The following PRKAG2 variants were observed in gnomAD, a reference collection of about 807,000 sequenced individuals.
PRKAG2 encodes the protein protein kinase AMP-activated non-catalytic subunit gamma 2, also known as 5'-AMP-activated protein kinase subunit gamma-2.
A neutral mutation model predicts 69.6 loss-of-function variants in PRKAG2; 26 were observed. That is an observed-to-expected ratio of 0.37 (90% CI 0.27 to 0.52). PRKAG2 has a LOEUF of 0.52. Ranked by LOEUF, PRKAG2 falls within the 20% of genes least tolerant of loss-of-function variation. PRKAG2 has a pLI of 0.90. For missense variants in PRKAG2, 557 were observed against 740.0 expected (o/e 0.75, Z 2.87); for synonymous variants, 293 against 285.0 (o/e 1.03, Z -0.28).
chr7:151,812,819 T>C (rs888068445), intron 1 of PRKAG2, among the ~76,000 whole-genome samples: 1 of 151,254 alleles, frequency 6.6e-6, no homozygotes. Context: ...TTTGTGACTT[T>C]AGGCAAAGAA....
rs147071389 is a variant in PRKAG2, at chr7:151,649,213, C to T, written c.685-17075G>A. ...TGATCTTGGCTCACTGCAACCTCCA[C>T]CTCCCAGGTTCAAACGATTCTCCTG... On this transcript the variant is annotated intron_variant, in intron 4 of 15. Transcript: ENST00000287878. Among the ~76,000 whole-genome samples the T allele has an allele frequency of 2.0e-3, 310 of 152,204 alleles. 2 individuals are homozygous for T. Among genetic ancestry groups the T allele is most frequent in the African/African-American group, 7.0e-3 (292 of 41,500 alleles).
chr7:151,873,817 C>T (rs371599211), intron 1 of PRKAG2, among the ~76,000 whole-genome samples: 1 of 152,158 alleles, frequency 6.6e-6, no homozygotes, highest in Admixed American at 6.5e-5. Context: ...CACCACCCCA[C>T]GGGCACGCCC....
chr7:151,835,900 G>T lies in PRKAG2; in HGVS notation c.114+40607C>A, dbSNP rs758790436. Among the ~76,000 whole-genome samples the T allele has an allele frequency of 6.6e-6, 1 of 152,176 alleles. No individual in the cohort carries two copies. Among genetic ancestry groups the T allele is most frequent in the Non-Finnish European group, 1.5e-5 (1 of 68,036 alleles). On this transcript the variant is annotated intron_variant, in intron 1 of 15. Coordinates refer to ENST00000287878, the MANE Select transcript of PRKAG2 (RefSeq NM_016203.4). The surrounding 1 kb of genome is among the most constrained non-coding windows in gnomAD (Gnocchi z 4.1). Reference sequence around the variant, plus strand: ...GGGCAGCCTTTCCGTATTCAAGAGTGGGGTGCAGCTCAGGGAGGCATCGGA... The same window carrying T: ...GGGCAGCCTTTCCGTATTCAAGAGTTGGGTGCAGCTCAGGGAGGCATCGGA...
chr7:151,574,231 T>C (rs376888854), intron 8 of PRKAG2, among the ~76,000 whole-genome samples: 17 of 152,308 alleles, frequency 1.1e-4, no homozygotes, highest in African/African-American at 4.1e-4. Flanking sequence ...TGCAATCCTG[T>C]CCTTCCCCCC....
intron 3 of PRKAG2, among the ~76,000 whole-genome samples, chr7:151,779,849 G>A (rs760489269): frequency 2.0e-5 from 3 of 152,132 alleles, no homozygotes; most frequent in South Asian, 2.1e-4. Context: ...ATCAGGACGG[G>A]CCTGATTTCC....
intron 3 of PRKAG2, among the ~76,000 whole-genome samples, chr7:151,715,325 A>G (rs1219918525): frequency 2.7e-5 from 2 of 74,254 alleles, no homozygotes; most frequent in Non-Finnish European, 5.6e-5. Context: ...CTAAAAGCAA[A>G]AAAAAAAAAA....
chr7:151,576,237 T>C, intron 7 of PRKAG2, 134 bp downstream of exon 7: 1 of 945,114 alleles, frequency 1.1e-6, no homozygotes, highest in Non-Finnish European at 1.7e-6. Flanking sequence ...CACTGCACCC[T>C]GCCAGCAAGA....
intron 4 of PRKAG2, among the ~76,000 whole-genome samples, chr7:151,643,445 GT>G (rs2151375461): frequency 6.6e-6 from 1 of 152,298 alleles, no homozygotes; most frequent in African/African-American, 2.4e-5. Flanking sequence ...ACTGTTAACT[GT>G]TTTTCAGCCC....
chr7:151,589,771 TA>T (rs967580022), intron 6 of PRKAG2, among the ~76,000 whole-genome samples: 3 of 152,088 alleles, frequency 2.0e-5, no homozygotes, highest in African/African-American at 7.2e-5. Flanking sequence ...CCATCTCTAC[TA>T]AAAATACAAA....
Position 151,583,505 on chromosome 7 carries a change from C to A in PRKAG2, c.865-7053G>T, listed in dbSNP as rs755598442. On this transcript the variant is annotated intron_variant, in intron 6 of 15. Transcript: ENST00000287878. The surrounding 1 kb of genome is among the most constrained non-coding windows in gnomAD (Gnocchi z 4.1). ...GCCGACCTTCTTTGCAATAACGAGG[C>A]CTTCTAAAACTTGGCTTTCTTAAGA... is the stretch of plus-strand genomic sequence containing the variant. Among the ~76,000 whole-genome samples the A allele has an allele frequency of 1.3e-5, 2 of 152,138 alleles. No homozygotes were observed. The highest frequency in any genetic ancestry group is 1.9e-4 in the East Asian group (1 of 5,190).
intron 3 of PRKAG2, among the ~76,000 whole-genome samples, chr7:151,697,904 A>G (rs1383097697): frequency 6.6e-6 from 1 of 152,196 alleles, no homozygotes; most frequent in Non-Finnish European, 1.5e-5. Context: ...GTGTGCAGGT[A>G]CAGAGGACTC....
chr7:151,861,912 A>T (rs9640300), intron 1 of PRKAG2, among the ~76,000 whole-genome samples: 1 of 151,080 alleles, frequency 6.6e-6, no homozygotes, highest in South Asian at 2.1e-4. Context: ...CCACTCTTCC[A>T]TTGGCAAGAT....
chr7:151,801,158 A>G (rs1403034308), intron 1 of PRKAG2, among the ~76,000 whole-genome samples: 3 of 152,204 alleles, frequency 2.0e-5, no homozygotes, highest in Non-Finnish European at 2.9e-5. Flanking sequence ...TCCCCAGGAA[A>G]TGGGAACTGG....
chr7:151,829,664 A>ATTC (rs1395171492), intron 1 of PRKAG2, among the ~76,000 whole-genome samples: 1 of 152,062 alleles, frequency 6.6e-6, no homozygotes, highest in Non-Finnish European at 1.5e-5. Context: ...AACACGGTAT[A>ATTC]TTCATACAAT....
At chr7:151,619,752 T>C (rs923424174) in intron 5 of PRKAG2, among the ~76,000 whole-genome samples, 2 of 152,182 alleles carry the variant, frequency 1.3e-5, no homozygotes, top group Admixed American at 1.3e-4. Flanking sequence ...ACGCGGTGGC[T>C]CATGCCTGTG....
At chr7:151,832,595 TGGGG>T (rs34839120) in intron 1 of PRKAG2, among the ~76,000 whole-genome samples, 4 of 141,708 alleles carry the variant, frequency 2.8e-5, no homozygotes, top group African/African-American at 1.0e-4. Context: ...GAGGCATCTC[TGGGG>T]GGGGGGTCCC....
At chr7:151,856,145 A>G (rs1175626148) in intron 1 of PRKAG2, among the ~76,000 whole-genome samples, 1 of 152,216 alleles carries the variant, frequency 6.6e-6, no homozygotes, top group African/African-American at 2.4e-5. Context: ...AAACCTACAT[A>G]GGGTATCATT....
intron 6 of PRKAG2, among the ~76,000 whole-genome samples, chr7:151,586,283 C>A (rs149542850): frequency 6.6e-6 from 1 of 151,940 alleles, no homozygotes; most frequent in Non-Finnish European, 1.5e-5. Context: ...TGTCATGGCA[C>A]GGCCGTCTAC....
intron 1 of PRKAG2, among the ~76,000 whole-genome samples, chr7:151,864,075 T>TA (rs1319519391): frequency 6.6e-6 from 1 of 152,000 alleles, no homozygotes; most frequent in Admixed American, 6.6e-5. Flanking sequence ...AGGGAGGTGA[T>TA]AGAGAATGGA....
Sources: allele counts gnomAD v4.1 joint callset (sites outside exome capture counted in the v4.1 genomes callset), GRCh38; gene constraint gnomAD v4.1.1; non-coding constraint Gnocchi (gnomAD v3.1); transcripts MANE v1.5; gene names NCBI Gene and HGNC (gene_info 2026-07-23, HGNC 2026-07-21).